MYT1L: variants seen among roughly 807,000 people sequenced by gnomAD.
MYT1L encodes myelin transcription factor 1 like.
In MYT1L, 12 loss-of-function variants were observed where a neutral mutation model predicts 126.7. The observed-to-expected ratio is 0.09, with a 90% confidence interval of 0.06 to 0.15. MYT1L has a LOEUF of 0.15. MYT1L is among the 10% of genes least tolerant of loss of function. MYT1L has a pLI of 1.00. For missense variants in MYT1L, 979 were observed against 1,585.2 expected (o/e 0.62, Z 6.49); for synonymous variants, 541 against 604.2 (o/e 0.90, Z 1.53).
chr2:2,241,185 G>A (rs902295247), intron 2 of MYT1L, among the ~76,000 whole-genome samples: 8 of 152,006 alleles, frequency 5.3e-5, no homozygotes, highest in Non-Finnish European at 1.2e-4. Context: ...TGCTATAACC[G>A]CACGCTTCCT....
At chr2:2,287,526 T>C (rs969999952) in intron 1 of MYT1L, among the ~76,000 whole-genome samples, 7 of 152,102 alleles carry the variant, frequency 4.6e-5, no homozygotes, top group South Asian at 4.2e-4. Flanking sequence ...AAAAAATAGA[T>C]TGTTGAAAAA....
rs570597312 is a variant in MYT1L at position 2,053,546 on chromosome 2, C to T, written c.-158+432G>A. Among the ~76,000 whole-genome samples, 3 of 152,248 alleles carry T rather than the reference C, an allele frequency of 2.0e-5. No homozygotes were observed. In the South Asian group the frequency reaches 6.2e-4, roughly 31 times the overall value. ...GTAACTGACAGAAACCTACAGGAAC[C>T]CTAGGCAATGCAAAACAGGCCCTAA... is the stretch of plus-strand genomic sequence containing the variant. On this transcript the variant is annotated intron_variant, in intron 4 of 24. Transcript: ENST00000647738.
At chr2:2,077,671 A>G (rs2075366623) in intron 3 of MYT1L, among the ~76,000 whole-genome samples, 1 of 152,224 alleles carries the variant, frequency 6.6e-6, no homozygotes, top group African/African-American at 2.4e-5. Flanking sequence ...AATAGAAAGT[A>G]GTGTGATGAC....
chr2:2,185,343 A>G (rs1311192224), intron 2 of MYT1L, among the ~76,000 whole-genome samples: 1 of 152,236 alleles, frequency 6.6e-6, no homozygotes. Context: ...ACTTCCTTGT[A>G]TTTTAATAGC....
intron 1 of MYT1L, chr2:2,324,579 C>T (rs566489224): frequency 1.3e-5 from 2 of 152,678 alleles, no homozygotes; most frequent in African/African-American, 4.8e-5. Context: ...GTTGACACCA[C>T]TAAACGACAG....
At chr2:2,199,846 A>G (rs2092981358) in intron 2 of MYT1L, among the ~76,000 whole-genome samples, 1 of 152,166 alleles carries the variant, frequency 6.6e-6, no homozygotes, top group African/African-American at 2.4e-5. Context: ...CACTACACAC[A>G]GTACCCCTCA....
At position 1,955,851 on chromosome 2, in the gene MYT1L, C is replaced by A. The variant is rs528376144; in HGVS notation, c.153-12517G>T. Among the ~76,000 whole-genome samples the A allele has an allele frequency of 2.0e-5, 3 of 152,280 alleles. No homozygotes were observed. In the East Asian group the frequency reaches 5.8e-4, roughly 29 times the overall value. ...CCTATTTATGTACTTTTCAAATGACCATTAGAAATACTTGTCCAAGGAAAA... is the reference window on the plus strand; with the variant it reads ...CCTATTTATGTACTTTTCAAATGACAATTAGAAATACTTGTCCAAGGAAAA... On this transcript the variant is annotated intron_variant, in intron 8 of 24. Coordinates refer to ENST00000647738, the MANE Select transcript of MYT1L (RefSeq NM_001303052.2).
At chr2:1,984,414 C>A (rs1013133397) in intron 5 of MYT1L, among the ~76,000 whole-genome samples, 1 of 151,526 alleles carries the variant, frequency 6.6e-6, no homozygotes, top group Non-Finnish European at 1.5e-5. Flanking sequence ...CCAGGCTGGT[C>A]TTGAACTCCT....
chr2:1,820,033 G>A (rs868027253), intron 21 of MYT1L, among the ~76,000 whole-genome samples: 1 of 77,702 alleles, frequency 1.3e-5, no homozygotes, highest in Non-Finnish European at 2.7e-5. Flanking sequence ...GAGGGCAGTG[G>A]GGGGGGGCCA....
intron 9 of MYT1L, among the ~76,000 whole-genome samples, chr2:1,928,211 A>G (rs1360655139): frequency 6.6e-6 from 1 of 152,228 alleles, no homozygotes; most frequent in African/African-American, 2.4e-5. Context: ...TAGTGCTGGA[A>G]TTACAGGTGT....
chr2:2,308,078 T>A (rs13388663), intron 1 of MYT1L, among the ~76,000 whole-genome samples: 45,327 of 151,336 alleles, frequency 0.3, 7,105 homozygotes, highest in South Asian at 0.45. Context: ...TCTATACTTC[T>A]GTACACTCTA....
chr2:2,003,939 ATGAGTTCTTTCC>A (rs1558693020), intron 4 of MYT1L, among the ~76,000 whole-genome samples: 1 of 151,902 alleles, frequency 6.6e-6, no homozygotes, highest in Non-Finnish European at 1.5e-5. Flanking sequence ...TCTTTCCTGC[ATGAGTTCTTTCC>A]TGCATGCGTT....
chr2:1,889,819 G>A lies in MYT1L; in HGVS notation c.2284-342C>T, dbSNP rs145676789. ...TCTCTGATTTAGAGTTTGTTCAGAA[G>A]AAAATTACAAAGTGCTTAATTTTAA... On this transcript the variant is annotated intron_variant, in intron 15 of 24. Transcript: ENST00000647738. This position sits in a 1 kb window ranked among gnomAD's most constrained non-coding sequence, Gnocchi z 4.1. 3.9e-4 allele frequency among the ~76,000 whole-genome samples: 59 copies of A among 152,012 alleles called. No homozygotes were observed. Among genetic ancestry groups the A allele is most frequent in the African/African-American group, 1.2e-3 (50 of 41,458 alleles).
At chr2:2,117,440 G>T (rs968821181) in intron 3 of MYT1L, among the ~76,000 whole-genome samples, 1 of 152,154 alleles carries the variant, frequency 6.6e-6, no homozygotes, top group Non-Finnish European at 1.5e-5. Flanking sequence ...ACTTCAGTGG[G>T]CATCGTTGGA....
rs140904929 is a variant in MYT1L at position 1,844,352 on chromosome 2, T to A, written c.2775-3509A>T. 1.5e-3 allele frequency among the ~76,000 whole-genome samples: 231 copies of A among 152,278 alleles called. 1 individual carries two copies. The highest frequency in any genetic ancestry group is 3.4e-3 in the Middle Eastern group (1 of 294). On this transcript the variant is annotated intron_variant, in intron 19 of 24. Transcript: ENST00000647738. The stretch of plus-strand genomic sequence containing the variant: ...ATGCTTGATGAAAACAAGGGAACGT[T>A]TCCCTACCCACCAACTAAGCACTAG...
At position 2,279,645 on chromosome 2, in the gene MYT1L, G is replaced by T. The variant is rs536655809; in HGVS notation, c.-421+4759C>A. Among the ~76,000 whole-genome samples the T allele has an allele frequency of 6.6e-5, 10 of 152,098 alleles. No individual in the cohort carries two copies. The South Asian group carries it at 1.9e-3, about 28-fold the overall frequency. On this transcript the variant is annotated intron_variant, in intron 2 of 24. Coordinates refer to ENST00000647738, the MANE Select transcript of MYT1L (RefSeq NM_001303052.2). ...ATCCCTCAAATGTCAACCAACACCT[G>T]TTCCATGCCCAGGTTGCTTTTCCCT...
At position 2,195,114 on chromosome 2, in the gene MYT1L, G is replaced by C. The variant is rs1193984810; in HGVS notation, c.-420-22126C>G. On this transcript the variant is annotated intron_variant, in intron 2 of 24. Transcript: ENST00000647738. Reference sequence around the variant, plus strand: ...AGTCATGATGTGCACAGTCAACATTGCATGCAGAGAGAAATCCAGAGAGTA... The same window carrying C: ...AGTCATGATGTGCACAGTCAACATTCCATGCAGAGAGAAATCCAGAGAGTA... 2.0e-5 allele frequency among the ~76,000 whole-genome samples: 3 copies of C among 152,230 alleles called. No individual in the cohort carries two copies. In the East Asian group the frequency reaches 5.8e-4, roughly 29 times the overall value.
chr2:2,260,733 A>G (rs1329238682), intron 2 of MYT1L, among the ~76,000 whole-genome samples: 1 of 151,162 alleles, frequency 6.6e-6, no homozygotes, highest in Non-Finnish European at 1.5e-5. Context: ...GATTTCCTTT[A>G]TTTTTATTAT....
chr2:2,234,579 G>A (rs1023462956), intron 2 of MYT1L, among the ~76,000 whole-genome samples: 8 of 152,162 alleles, frequency 5.3e-5, no homozygotes, highest in East Asian at 1.9e-4. Context: ...AGTTGGCAAC[G>A]CTGCTTTGCC....
Sources: gnomAD v4.1 joint callset for allele counts (sites outside exome capture counted in the v4.1 genomes callset) on GRCh38, gnomAD v4.1.1 for gene constraint, Gnocchi (gnomAD v3.1) non-coding constraint, MANE v1.5 for transcripts, NCBI Gene and HGNC (gene_info 2026-07-23, HGNC 2026-07-21) for gene names.